The following C10orf67 variants were observed in gnomAD, a reference collection of about 807,000 sequenced individuals.
The protein encoded by C10orf67 is uncharacterized protein C10orf67, mitochondrial.
A neutral mutation model predicts 35.6 loss-of-function variants in C10orf67; 60 were observed. The observed-to-expected ratio is 1.68, with a 90% CI of 1.37 to 2.09. The LOEUF is 2.09. Among genes scored for constraint, C10orf67 ranks in the 30% most tolerant of loss-of-function variants. C10orf67 has a pLI of 0.00. For synonymous variants in C10orf67, 167 were observed against 115.8 expected (o/e 1.44, Z -2.84); for missense variants, 474 against 330.2 (o/e 1.44, Z -3.38).
chr10:23,304,969 C>G (rs1174384246), intron 4 of C10orf67, among the ~76,000 whole-genome samples: 1 of 152,198 alleles, frequency 6.6e-6, no homozygotes, highest in Non-Finnish European at 1.5e-5. Flanking sequence ...GACCCAGCAG[C>G]AGCCACGTAA....
intron 2 of C10orf67, among the ~76,000 whole-genome samples, chr10:23,325,479 A>C (rs1000307802): frequency 3.0e-4 from 45 of 151,278 alleles, no homozygotes; most frequent in Admixed American, 6.6e-4. Flanking sequence ...GGCTGCTAAA[A>C]AAAAAAAAAA....
At chr10:23,230,828 T>C (rs916754493) in intron 13 of C10orf67, among the ~76,000 whole-genome samples, 1 of 152,172 alleles carries the variant, frequency 6.6e-6, no homozygotes, top group African/African-American at 2.4e-5. Flanking sequence ...TCTGGCAATA[T>C]CAGTGCTGAA....
intron 15 of C10orf67, among the ~76,000 whole-genome samples, chr10:23,217,195 A>C (rs1163965330): frequency 1.3e-5 from 2 of 152,240 alleles, no homozygotes; most frequent in African/African-American, 4.8e-5. Flanking sequence ...TGAACAAGCC[A>C]GGAATGTGAT....
chr10:23,262,292 G>A (rs559723931), intron 10 of C10orf67, among the ~76,000 whole-genome samples: 7 of 147,424 alleles, frequency 4.7e-5, no homozygotes, highest in African/African-American at 2.5e-5. Flanking sequence ...CTCCCACTGG[G>A]AACTGGAGAG....
intron 5 of C10orf67, among the ~76,000 whole-genome samples, chr10:23,293,173 C>T (rs977220850): frequency 2.0e-5 from 3 of 152,208 alleles, no homozygotes; most frequent in Non-Finnish European, 4.4e-5. Context: ...GTAAAATTTA[C>T]AAATGGTAGC....
rs1842884241 is a variant in C10orf67 at position 23,266,407 on chromosome 10, C to T, written c.1055G>A (p.Gly352Glu). 1 of 398,606 alleles carries T rather than the reference C, an allele frequency of 2.5e-6. No individual in the cohort carries two copies. The highest frequency in any genetic ancestry group is 4.4e-6 in the Non-Finnish European group (1 of 226,064). 24.7% of individuals were successfully genotyped at this position (398,606 alleles called of 1,614,324 possible). A position where few individuals can be genotyped will look rare whatever the true frequency, so the allele number is the denominator to read the frequency against. Residue 352 changes from glycine to glutamate, a missense_variant, in exon 10 of 16, where the codon GGG becomes GAG. Transcript: ENST00000636213. ...CCATGGGGACAAAGAGGCTTCTCTC[C>T]CCTTGGCTGATCTTGCAACCTGCCA... ...LSVKVARSAK[G>E]REASLSPWPK...
chr10:23,282,308 C>T (rs1843392607), intron 7 of C10orf67, among the ~76,000 whole-genome samples: 2 of 152,134 alleles, frequency 1.3e-5, no homozygotes, highest in Non-Finnish European at 2.9e-5. Flanking sequence ...TTTTCTCACC[C>T]CATGCCATCA....
chr10:23,320,992 T>G (rs558961610), intron 3 of C10orf67, among the ~76,000 whole-genome samples, 177 bp from the exon 4 acceptor site: 3 of 152,358 alleles, frequency 2.0e-5, no homozygotes, highest in Admixed American at 6.5e-5. Context: ...TTATTTTTAC[T>G]TATACTCAAC....
intron 15 of C10orf67, 58 bp from the exon 16 acceptor site, chr10:23,204,313 C>A: frequency 2.0e-6 from 1 of 491,506 alleles, no homozygotes; most frequent in South Asian, 3.5e-5. Flanking sequence ...ATACACAGAC[C>A]ACTTCCCACT....
Position 23,228,336 on chromosome 10 carries a change from G to C in C10orf67, c.1435-4518C>G, listed in dbSNP as rs529919785. Among the ~76,000 whole-genome samples, 202 of 152,190 alleles carry C rather than the reference G, an allele frequency of 1.3e-3. 1 individual carries two copies. The highest frequency in any genetic ancestry group is 4.6e-3 in the African/African-American group (190 of 41,536). On this transcript the variant is annotated intron_variant, in intron 13 of 15. Coordinates refer to ENST00000636213, the MANE Select transcript of C10orf67 (RefSeq NM_001371909.1). The stretch of plus-strand genomic sequence containing the variant: ...ACAAACCTGACAAAAACAAGAAATG[G>C]GGAAAGGATTCCCTATTTAATAAAT...
At chr10:23,217,411 A>G (rs1841460249) in intron 15 of C10orf67, among the ~76,000 whole-genome samples, 16 of 152,226 alleles carry the variant, frequency 1.1e-4, no homozygotes, top group Admixed American at 1.0e-3. Flanking sequence ...GCATGAATCC[A>G]TGTATAATAT....
intron 2 of C10orf67, among the ~76,000 whole-genome samples, chr10:23,325,532 C>CA (rs869275809): frequency 0.027 from 2,529 of 92,782 alleles, 29 homozygotes; most frequent in Non-Finnish European, 0.035. Context: ...TAATTGTGTG[C>CA]AAAAAAAAAA....
intron 1 of C10orf67, 50 bp from the exon 2 acceptor site, chr10:23,333,232 G>C: frequency 6.7e-7 from 1 of 1,492,486 alleles, no homozygotes; most frequent in East Asian, 2.3e-5. Context: ...TATTTTCTTA[G>C]AAATAGATGT....
At chr10:23,213,240 A>G (rs1166056921) in intron 15 of C10orf67, among the ~76,000 whole-genome samples, 1 of 152,196 alleles carries the variant, frequency 6.6e-6, no homozygotes, top group Non-Finnish European at 1.5e-5. Context: ...GATTGGAGGC[A>G]TGGAGAAGAG....
At chr10:23,286,740 A>C (rs1451491535) in intron 7 of C10orf67, among the ~76,000 whole-genome samples, 1 of 152,108 alleles carries the variant, frequency 6.6e-6, no homozygotes, top group Non-Finnish European at 1.5e-5. Context: ...CTGAGATTTC[A>C]TTTCTGACCT....
At chr10:23,311,454 G>A (rs982486886) in intron 4 of C10orf67, among the ~76,000 whole-genome samples, 3 of 152,180 alleles carry the variant, frequency 2.0e-5, no homozygotes, top group Non-Finnish European at 2.9e-5. Context: ...GCTCATGCCT[G>A]TAATCCCAGC....
At chr10:23,210,215 A>G (rs2132084388) in intron 15 of C10orf67, among the ~76,000 whole-genome samples, 1 of 152,220 alleles carries the variant, frequency 6.6e-6, no homozygotes. Context: ...GATTTCCCTC[A>G]AGCAGGTTCA....
intron 2 of C10orf67, among the ~76,000 whole-genome samples, chr10:23,323,810 C>A (rs934083386): frequency 1.4e-5 from 2 of 144,720 alleles, no homozygotes; most frequent in African/African-American, 2.6e-5. Context: ...CACTTGGGAG[C>A]TTGAACCCGG....
rs567485694 is a variant in C10orf67, at chr10:23,237,916, A to G, written c.1434+1813T>C. Among the ~76,000 whole-genome samples, 35 of 152,344 alleles carry G rather than the reference A, an allele frequency of 2.3e-4. 1 individual carries two copies. The South Asian group carries it at 6.0e-3, about 26-fold the overall frequency. ...ACACTTACTACTTGTGCATTTAACC[A>G]TATGTAAAATATACCCCAATAGTAT... On this transcript the variant is annotated intron_variant, in intron 13 of 15. Transcript: ENST00000636213.
Sources: gnomAD v4.1 joint callset for allele counts (sites outside exome capture counted in the v4.1 genomes callset) on GRCh38, gnomAD v4.1.1 for gene constraint, MANE v1.5 for transcripts, NCBI Gene and HGNC (gene_info 2026-07-23, HGNC 2026-07-21) for gene names.